The following TSC22D3 variants were observed in gnomAD, a reference collection of about 807,000 sequenced individuals.
The protein encoded by TSC22D3 is TSC22 domain family member 3.
Under a neutral mutation model 11.1 loss-of-function variants are expected in TSC22D3, and 4 were observed. The observed-to-expected ratio is 0.36, with a 90% CI of 0.18 to 0.83. TSC22D3 has a LOEUF of 0.83. Among genes scored for constraint, TSC22D3 ranks in the 40% least tolerant of loss-of-function variants. The pLI is 0.48. For missense variants in TSC22D3, 118 were observed against 159.4 expected, an observed-to-expected ratio of 0.74 and a Z score of 1.40; for synonymous variants, 77 against 70.3, an observed-to-expected ratio of 1.10 and a Z score of -0.48.
intron 1 of TSC22D3, among the ~76,000 whole-genome samples, chrX:107,740,819 G>A (rs891968865): frequency 9.0e-6 from 1 of 110,563 alleles, no homozygotes; most frequent in Non-Finnish European, 1.9e-5. Context: ...GAATGAATAA[G>A]CTCAACATGG....
At chrX:107,728,335 T>C (rs1927739616) in intron 1 of TSC22D3, among the ~76,000 whole-genome samples, 1 of 112,658 alleles carries the variant, frequency 8.9e-6, no homozygotes, top group African/African-American at 3.2e-5. Context: ...TCAAACATAC[T>C]TGGGAAACCC....
intron 1 of TSC22D3, chrX:107,716,275 G>A (rs1569446678): frequency 1.1e-6 from 1 of 925,077 alleles, no homozygotes; most frequent in East Asian, 4.9e-5. Flanking sequence ...GACCCGGGGA[G>A]TCCCCCACAG....
intron 1 of TSC22D3, among the ~76,000 whole-genome samples, chrX:107,733,957 C>T (rs765807494): frequency 1.8e-5 from 2 of 111,987 alleles, no homozygotes; most frequent in Non-Finnish European, 3.8e-5. Context: ...CCTCTCAACC[C>T]GGAGAATGGG....
chrX:107,774,797 C>A lies in TSC22D3; in HGVS notation c.320+303G>T, dbSNP rs905968171. On this transcript the variant is annotated intron_variant, in intron 1 of 2. Coordinates refer to ENST00000372383, the MANE Select transcript of TSC22D3 (RefSeq NM_198057.3). ...TCCAAAGGGGCTATGGAAATGTATG[C>A]ATTTGAGGAGCGGGTACTTTCAGCT... The A allele has an allele frequency of 1.7e-5, 6 of 358,077 alleles. No individual in the cohort carries two copies. The South Asian group carries it at 3.0e-4, about 18-fold the overall frequency. 29.5% of individuals were successfully genotyped at this position (358,077 alleles called of 1,213,427 possible). A position where few individuals can be genotyped will look rare whatever the true frequency, so the allele number is the denominator to read the frequency against.
intron 1 of TSC22D3, among the ~76,000 whole-genome samples, chrX:107,770,962 G>A (rs1183859112): frequency 8.9e-6 from 1 of 112,230 alleles, no homozygotes. Context: ...CCTAACAACA[G>A]GGTGACCAAC....
chrX:107,738,089 C>G (rs762222226), intron 1 of TSC22D3, among the ~76,000 whole-genome samples: 2 of 112,236 alleles, frequency 1.8e-5, no homozygotes, highest in South Asian at 3.6e-4. Context: ...AGCTAAGAAA[C>G]AACTGTGTCC....
At chrX:107,716,337 A>T in intron 1 of TSC22D3, 2 of 910,995 alleles carry the variant, frequency 2.2e-6, no homozygotes, top group African/African-American at 2.1e-5. Flanking sequence ...CTAGCTAGGA[A>T]TTCCTTCTCG....
intron 1 of TSC22D3, among the ~76,000 whole-genome samples, chrX:107,717,357 T>A (rs1338848286): frequency 8.9e-6 from 1 of 112,656 alleles, no homozygotes; most frequent in African/African-American, 3.2e-5. Flanking sequence ...AGCGCTAGTT[T>A]GAAAAGCTCT....
At position 107,759,816 on chromosome X, in the gene TSC22D3, G is replaced by A. The variant is rs149938365; in HGVS notation, c.320+15284C>T. Among the ~76,000 whole-genome samples the A allele has an allele frequency of 7.6e-4, 86 of 112,895 alleles. No homozygotes were observed. In the Middle Eastern group the frequency reaches 0.032, roughly 42 times the overall value. On this transcript the variant is annotated intron_variant, in intron 1 of 2. Coordinates refer to ENST00000372383, the MANE Select transcript of TSC22D3 (RefSeq NM_198057.3). Reference sequence around the variant, plus strand: ...CTCTCCCTTTCTCTGTAGCTGCCGGGCTAGGGTGGGACAACTGGAAACTCT... The same window carrying A: ...CTCTCCCTTTCTCTGTAGCTGCCGGACTAGGGTGGGACAACTGGAAACTCT...
Position 107,713,488 on chromosome X carries a change from CA to C in TSC22D3, c.*1030del, listed in dbSNP as rs1194943861. 8.9e-6 allele frequency: 1 copy of C among 112,273 alleles called. No individual in the cohort carries two copies. The highest frequency in any genetic ancestry group is 1.9e-5 in the Non-Finnish European group (1 of 53,172). The allele number at this position is 112,273 out of a possible 1,213,427, so 9.3% of individuals were successfully genotyped here. A position where few individuals can be genotyped will look rare whatever the true frequency, so the allele number is the denominator to read the frequency against. On this transcript the variant is annotated 3_prime_UTR_variant, in exon 3 of 3. Transcript: ENST00000372383. ...TTTCCACAATAATTACAAAACAAAA[CA>C]AAAAACGTTTTCAAATGACACTGTG...
At chrX:107,772,039 AG>A (rs2147796338) in intron 1 of TSC22D3, among the ~76,000 whole-genome samples, 1 of 112,818 alleles carries the variant, frequency 8.9e-6, no homozygotes, top group South Asian at 3.7e-4. Flanking sequence ...TATAACTAAA[AG>A]CCAAGGGAAA....
At chrX:107,760,092 C>A in intron 1 of TSC22D3, among the ~76,000 whole-genome samples, 1 of 113,002 alleles carries the variant, frequency 8.8e-6, no homozygotes, top group Non-Finnish European at 1.9e-5. Flanking sequence ...CTCTGCCAGC[C>A]AGCCCCTGTG....
rs763316449 is a variant in TSC22D3 at position 107,735,728 on chromosome X, C to A, written c.321-19778G>T. On this transcript the variant is annotated intron_variant, in intron 1 of 2. Transcript: ENST00000372383. ...CTCCTTCTTCCCCTCAGCACCCGCCCCCCCAGCTGACTATTGCTCTCAGAA... is the reference window on the plus strand; with the variant it reads ...CTCCTTCTTCCCCTCAGCACCCGCCACCCCAGCTGACTATTGCTCTCAGAA... Among the ~76,000 whole-genome samples the A allele has an allele frequency of 1.3e-4, 14 of 109,172 alleles. No homozygotes were observed. The East Asian group carries it at 3.7e-3, about 29-fold the overall frequency. The allele number at this position is 109,172 out of a possible 115,157, so 94.8% of individuals were successfully genotyped here. A position where few individuals can be genotyped will look rare whatever the true frequency, so the allele number is the denominator to read the frequency against.
At chrX:107,742,314 AGAGAGT>A (rs1193539010) in intron 1 of TSC22D3, among the ~76,000 whole-genome samples, 55 of 56,300 alleles carry the variant, frequency 9.8e-4, no homozygotes, top group African/African-American at 3.5e-3. Flanking sequence ...AGAGAGAGAG[AGAGAGT>A]GTGTGTGCGC....
intron 1 of TSC22D3, among the ~76,000 whole-genome samples, chrX:107,727,671 G>T (rs936056262): frequency 8.1e-5 from 9 of 111,786 alleles, no homozygotes; most frequent in Non-Finnish European, 1.3e-4. Flanking sequence ...CCCAAACACC[G>T]CTGGCAAAAT....
intron 1 of TSC22D3, among the ~76,000 whole-genome samples, chrX:107,750,219 ACTC>A (rs1483668947): frequency 1.8e-5 from 2 of 108,116 alleles, no homozygotes; most frequent in African/African-American, 6.8e-5. Context: ...TGTGAGCAAT[ACTC>A]CTGCTTTCTC....
At chrX:107,745,562 C>G (rs771556049) in intron 1 of TSC22D3, among the ~76,000 whole-genome samples, 1 of 112,484 alleles carries the variant, frequency 8.9e-6, no homozygotes, top group Non-Finnish European at 1.9e-5. Flanking sequence ...AGAACTGTCT[C>G]TAGTTTGTAC....
intron 1 of TSC22D3, among the ~76,000 whole-genome samples, chrX:107,769,371 G>C (rs1448807948): frequency 8.9e-6 from 1 of 112,620 alleles, no homozygotes; most frequent in Non-Finnish European, 1.9e-5. Flanking sequence ...AACATGTTGA[G>C]TGAAAGAAAT....
chrX:107,741,402 C>G (rs1240209789), intron 1 of TSC22D3, among the ~76,000 whole-genome samples: 3 of 112,675 alleles, frequency 2.7e-5, no homozygotes, highest in African/African-American at 9.7e-5. Context: ...AGAGCTCTCC[C>G]CCACTCCCAC....
Sources: allele counts gnomAD v4.1 joint callset (sites outside exome capture counted in the v4.1 genomes callset), GRCh38; gene constraint gnomAD v4.1.1; transcripts MANE v1.5; gene names NCBI Gene and HGNC (gene_info 2026-07-23, HGNC 2026-07-21).